The following JMJD1C variants were observed in gnomAD, a reference collection of about 807,000 sequenced individuals.
JMJD1C encodes the protein jumonji domain containing 1C, also known as jumonji domain-containing protein 1C.
Under a neutral mutation model 245.3 loss-of-function variants are expected in JMJD1C, and 31 were observed. The ratio of observed to expected loss-of-function variants is 0.13; its 90% CI spans 0.09 to 0.17. The LOEUF (loss-of-function observed/expected upper bound fraction) is 0.17. Ranked by LOEUF, JMJD1C falls within the 10% of genes least tolerant of loss-of-function variation. The pLI is 1.00. For synonymous variants in JMJD1C, 1,057 were observed against 1,017.4 expected (o/e 1.04, Z -0.74); for missense variants, 2,691 against 3,000.2 (o/e 0.90, Z 2.41).
chr10:63,169,401 A>T (rs1260392944), intron 24 of JMJD1C, among the ~76,000 whole-genome samples: 1 of 152,212 alleles, frequency 6.6e-6, no homozygotes, highest in East Asian at 1.9e-4. Context: ...TAGTGATATT[A>T]AAAAACATCA....
intron 2 of JMJD1C, among the ~76,000 whole-genome samples, chr10:63,321,990 A>G (rs1157568438): frequency 1.3e-5 from 2 of 152,232 alleles, no homozygotes; most frequent in Non-Finnish European, 2.9e-5. Flanking sequence ...GAGGAAGCCA[A>G]AAGTCACACT....
intron 1 of JMJD1C, among the ~76,000 whole-genome samples, chr10:63,383,165 G>T (rs1047174219): frequency 6.1e-4 from 91 of 150,074 alleles, no homozygotes; most frequent in African/African-American, 2.2e-3. Flanking sequence ...CCTGGTAAAA[G>T]GTTAAGTTTG....
intron 3 of JMJD1C, among the ~76,000 whole-genome samples, chr10:63,247,149 T>C (rs1852328844): frequency 2.8e-5 from 4 of 143,566 alleles, no homozygotes; most frequent in Non-Finnish European, 6.2e-5. Flanking sequence ...AGAAGAAAAT[T>C]TTAAAAAAAT....
chr10:63,314,784 A>T (rs560428544), intron 2 of JMJD1C, among the ~76,000 whole-genome samples: 10 of 152,070 alleles, frequency 6.6e-5, no homozygotes, highest in Admixed American at 6.6e-4. Context: ...AATAGCTGGG[A>T]TTATAGGCAT....
intron 2 of JMJD1C, among the ~76,000 whole-genome samples, chr10:63,310,618 T>C (rs1268374021): frequency 2.0e-5 from 3 of 152,238 alleles, no homozygotes; most frequent in Non-Finnish European, 2.9e-5. Context: ...ATTAACTTGA[T>C]AAATTGACTA....
chr10:63,383,907 C>T (rs1445303491), intron 1 of JMJD1C, among the ~76,000 whole-genome samples: 1 of 152,078 alleles, frequency 6.6e-6, no homozygotes, highest in African/African-American at 2.4e-5. Context: ...AATAAGACAA[C>T]AAAAGTTTGT....
intron 2 of JMJD1C, among the ~76,000 whole-genome samples, chr10:63,289,003 T>C (rs1413857534): frequency 1.3e-5 from 2 of 151,742 alleles, no homozygotes; most frequent in African/African-American, 4.8e-5. Flanking sequence ...TTCTTTACGT[T>C]TGCTTTCTCA....
chr10:63,386,327 A>T (rs987295651), intron 1 of JMJD1C, among the ~76,000 whole-genome samples: 2 of 152,182 alleles, frequency 1.3e-5, no homozygotes, highest in Non-Finnish European at 2.9e-5. Context: ...GCCTGCCTAC[A>T]GCTGCTCCAA....
At chr10:63,439,216 C>A (rs1222631863) in intron 1 of JMJD1C, among the ~76,000 whole-genome samples, 2 of 152,126 alleles carry the variant, frequency 1.3e-5, no homozygotes, top group Non-Finnish European at 2.9e-5. Flanking sequence ...ACTCAAAATT[C>A]TATCATTTTA....
chr10:63,406,776 A>G (rs562340758), intron 1 of JMJD1C, among the ~76,000 whole-genome samples: 1 of 152,278 alleles, frequency 6.6e-6, no homozygotes, highest in Admixed American at 6.5e-5. Flanking sequence ...ACCAAGAACT[A>G]AAGTAAAATT....
At chr10:63,170,798 G>T (rs1842278490) in intron 24 of JMJD1C, among the ~76,000 whole-genome samples, 1 of 152,104 alleles carries the variant, frequency 6.6e-6, no homozygotes, top group Admixed American at 6.5e-5. Flanking sequence ...AAGAGCCAAG[G>T]TTCAGTTTTA....
At chr10:63,307,297 T>C (rs1022957906) in intron 2 of JMJD1C, among the ~76,000 whole-genome samples, 1 of 152,198 alleles carries the variant, frequency 6.6e-6, no homozygotes, top group Non-Finnish European at 1.5e-5. Flanking sequence ...CAACTAGATA[T>C]TATGCATTTC....
intron 2 of JMJD1C, among the ~76,000 whole-genome samples, chr10:63,272,783 T>C (rs979161652): frequency 2.0e-5 from 3 of 152,238 alleles, no homozygotes; most frequent in African/African-American, 2.4e-5. Context: ...CCCCAATTTA[T>C]TGTACATTAG....
intron 2 of JMJD1C, among the ~76,000 whole-genome samples, chr10:63,284,390 T>C (rs1857737691): frequency 6.6e-6 from 1 of 152,190 alleles, no homozygotes; most frequent in Non-Finnish European, 1.5e-5. Flanking sequence ...TGCTTCATTA[T>C]GTTTATTACT....
At chr10:63,459,769 A>G (rs1461592591) in intron 1 of JMJD1C, among the ~76,000 whole-genome samples, 1 of 152,218 alleles carries the variant, frequency 6.6e-6, no homozygotes, top group Admixed American at 6.5e-5. Flanking sequence ...ATATCAGTTA[A>G]CATACTTTTG....
At chr10:63,449,530 G>T (rs1258390957) in intron 1 of JMJD1C, among the ~76,000 whole-genome samples, 1 of 152,020 alleles carries the variant, frequency 6.6e-6, no homozygotes, top group African/African-American at 2.4e-5. Flanking sequence ...GGAAAAGAAA[G>T]ATCACATTAT....
At chr10:63,348,793 T>C (rs758195001) in intron 2 of JMJD1C, among the ~76,000 whole-genome samples, 5 of 152,090 alleles carry the variant, frequency 3.3e-5, no homozygotes, top group Non-Finnish European at 7.4e-5. Flanking sequence ...ACTCTATTAG[T>C]TCCCAGGAAA....
At chr10:63,401,551 T>C (rs537818923) in intron 1 of JMJD1C, among the ~76,000 whole-genome samples, 5 of 152,286 alleles carry the variant, frequency 3.3e-5, no homozygotes, top group East Asian at 1.9e-4. Flanking sequence ...GGTCCGAGAA[T>C]ATACCCTTGT....
intron 3 of JMJD1C, among the ~76,000 whole-genome samples, chr10:63,263,977 C>T (rs976369019): frequency 7.8e-6 from 1 of 128,722 alleles, no homozygotes; most frequent in African/African-American, 3.0e-5. Context: ...CACACACACA[C>T]ACACACACAC....
Sources: gnomAD v4.1 joint callset for allele counts (sites outside exome capture counted in the v4.1 genomes callset) on GRCh38, gnomAD v4.1.1 for gene constraint, MANE v1.5 for transcripts, NCBI Gene and HGNC (gene_info 2026-07-23, HGNC 2026-07-21) for gene names.